ST7: variants seen among roughly 807,000 people sequenced by gnomAD.
ST7 encodes the protein suppression of tumorigenicity 7, also known as suppressor of tumorigenicity 7 protein.
In ST7, 28 loss-of-function variants were observed where a neutral mutation model predicts 78.7. The ratio of observed to expected loss-of-function variants is 0.36; its 90% CI spans 0.26 to 0.49. The LOEUF is 0.49. Ranked by LOEUF, ST7 falls within the 20% of genes least tolerant of loss-of-function variation. The pLI is 0.99. For missense variants in ST7, 418 were observed against 696.0 expected (o/e 0.60, Z 4.49); for synonymous variants, 247 against 249.6 (o/e 0.99, Z 0.10).
intron 8 of ST7, 111 bp downstream of exon 8, chr7:117,136,346 A>G: frequency 1.5e-6 from 2 of 1,351,306 alleles, no homozygotes; most frequent in Non-Finnish European, 2.1e-6. Context: ...AAGAGAAAAT[A>G]TTGGCTTTTG....
intron 1 of ST7, among the ~76,000 whole-genome samples, chr7:117,004,116 G>A (rs2116461543): frequency 6.6e-6 from 1 of 152,178 alleles, no homozygotes; most frequent in East Asian, 1.9e-4. Flanking sequence ...AATTAGTATG[G>A]ATCACACATT....
At chr7:117,222,911 T>C in intron 15 of ST7, 1 of 1,613,944 alleles carries the variant, frequency 6.2e-7, no homozygotes, top group Non-Finnish European at 8.5e-7. Flanking sequence ...ATTGCAAGAG[T>C]ATTTTCATGC....
chr7:116,966,247 CTTTT>C (rs374887005), intron 1 of ST7: 188 of 178,166 alleles, frequency 1.1e-3, no homozygotes, highest in South Asian at 2.7e-3. Context: ...TTTTTTCTTT[CTTTT>C]TTTTTTTTTT....
intron 1 of ST7, among the ~76,000 whole-genome samples, chr7:117,053,909 C>T (rs1309045473): frequency 6.6e-6 from 1 of 151,560 alleles, no homozygotes; most frequent in East Asian, 1.9e-4. Context: ...GGGATCTCTG[C>T]TCATTGCAAC....
At chr7:117,200,949 C>T (rs1473624706) in intron 12 of ST7, among the ~76,000 whole-genome samples, 1 of 151,642 alleles carries the variant, frequency 6.6e-6, no homozygotes, top group Non-Finnish European at 1.5e-5. Flanking sequence ...GGAGTACCTA[C>T]AGGACATTGT....
intron 1 of ST7, chr7:117,098,877 A>C: frequency 8.1e-7 from 1 of 1,241,640 alleles, no homozygotes; most frequent in East Asian, 5.6e-5. Flanking sequence ...TATAAATAAC[A>C]ATGACTTAAA....
intron 1 of ST7, among the ~76,000 whole-genome samples, chr7:116,998,694 G>T (rs887715511): frequency 6.6e-6 from 1 of 152,372 alleles, no homozygotes; most frequent in South Asian, 2.1e-4. Flanking sequence ...AGGACATACT[G>T]TCCTCATGGA....
At chr7:117,032,723 G>T (rs1002058932) in intron 1 of ST7, among the ~76,000 whole-genome samples, 3 of 152,172 alleles carry the variant, frequency 2.0e-5, no homozygotes, top group African/African-American at 7.2e-5. Context: ...TAATAGATAT[G>T]AATCTATAAA....
intron 9 of ST7, among the ~76,000 whole-genome samples, chr7:117,165,707 CTGGTAGTTCAGGCCAGGAGTACTT>C (rs1807500192): frequency 6.6e-6 from 1 of 152,104 alleles, no homozygotes; most frequent in Non-Finnish European, 1.5e-5. Context: ...GACAAGGACT[CTGGTAGTTCAGGCCAGGAGTACTT>C]AACCAGCAGA....
chr7:117,096,812 T>G (rs2116754731), intron 1 of ST7, among the ~76,000 whole-genome samples: 1 of 152,344 alleles, frequency 6.6e-6, no homozygotes, highest in South Asian at 2.1e-4. Context: ...AATAAGATTA[T>G]AAATGAATAG....
intron 1 of ST7, among the ~76,000 whole-genome samples, chr7:116,973,677 A>G (rs1214402978): frequency 2.6e-5 from 4 of 152,166 alleles, no homozygotes; most frequent in Non-Finnish European, 5.9e-5. Flanking sequence ...CATGTATTTA[A>G]TGTATTCATC....
intron 1 of ST7, chr7:117,090,672 A>G (rs920525447): frequency 1.2e-5 from 2 of 166,422 alleles, no homozygotes; most frequent in African/African-American, 4.8e-5. Flanking sequence ...ATAGTCTTCA[A>G]TCATAAATGA....
intron 9 of ST7, among the ~76,000 whole-genome samples, chr7:117,154,429 A>C (rs1806529221): frequency 6.6e-6 from 1 of 152,228 alleles, no homozygotes; most frequent in African/African-American, 2.4e-5. Flanking sequence ...GACAAAGAGG[A>C]TTCCCTGTGT....
At position 117,025,537 on chromosome 7, in the gene ST7, C is replaced by T. The variant is rs75574336; in HGVS notation, c.151+71846C>T. Among the ~76,000 whole-genome samples the T allele has an allele frequency of 5.0e-3, 758 of 152,132 alleles. 4 individuals carry two copies. The highest frequency in any genetic ancestry group is 0.016 in the African/African-American group (669 of 41,492). ...AAAAATAGAAATACTTAAGTATGTGCACAAAAACCCACCTCTAAGTCTGCA... is the reference window on the plus strand; with the variant it reads ...AAAAATAGAAATACTTAAGTATGTGTACAAAAACCCACCTCTAAGTCTGCA... On this transcript the variant is annotated intron_variant, in intron 1 of 15. Coordinates refer to ENST00000323984, the MANE Select transcript of ST7 (RefSeq NM_001369598.1).
At chr7:116,973,494 C>T (rs960346326) in intron 1 of ST7, among the ~76,000 whole-genome samples, 2 of 152,244 alleles carry the variant, frequency 1.3e-5, no homozygotes, top group Admixed American at 6.5e-5. Context: ...TGGGCTCAAG[C>T]GATGCTACTG....
chr7:117,202,628 A>C (rs1467424729), intron 12 of ST7, among the ~76,000 whole-genome samples: 1 of 152,178 alleles, frequency 6.6e-6, no homozygotes, highest in African/African-American at 2.4e-5. Flanking sequence ...GGACTCTAAC[A>C]GGAGCTTTTT....
intron 1 of ST7, among the ~76,000 whole-genome samples, chr7:117,068,656 T>G (rs1798762055): frequency 6.6e-6 from 1 of 152,242 alleles, no homozygotes; most frequent in Admixed American, 6.5e-5. Context: ...AACTGCATCC[T>G]TTTCTGTGCA....
chr7:116,982,872 T>C (rs1794019614), intron 1 of ST7, among the ~76,000 whole-genome samples: 1 of 152,192 alleles, frequency 6.6e-6, no homozygotes. Context: ...TATTCATATA[T>C]AGATCTATGC....
At chr7:116,978,568 TTCTATCTATCTA>T (rs201403117) in intron 1 of ST7, among the ~76,000 whole-genome samples, 13 of 152,136 alleles carry the variant, frequency 8.5e-5, no homozygotes, top group Non-Finnish European at 1.3e-4. Context: ...ATATCATACA[TTCTATCTATCTA>T]TCTATCTATC....
Sources: gnomAD v4.1 joint callset for allele counts (sites outside exome capture counted in the v4.1 genomes callset) on GRCh38, gnomAD v4.1.1 for gene constraint, MANE v1.5 for transcripts, NCBI Gene and HGNC (gene_info 2026-07-23, HGNC 2026-07-21) for gene names.